Variants in MIPOL1 observed in about 807,000 individuals in gnomAD.
MIPOL1 encodes mirror-image polydactyly 1.
A neutral mutation model predicts 60.9 loss-of-function variants in MIPOL1; 57 were observed. The ratio of observed to expected loss-of-function variants is 0.94; its 90% CI spans 0.76 to 1.17. MIPOL1 has a LOEUF of 1.17. Among genes scored for constraint, MIPOL1 ranks in the 50% most tolerant of loss-of-function variants. The pLI is 0.00. For missense variants in MIPOL1, 551 were observed against 511.6 expected, an observed-to-expected ratio of 1.08 and a Z score of -0.74; for synonymous variants, 179 against 168.8, an observed-to-expected ratio of 1.06 and a Z score of -0.47.
At chr14:37,463,088 G>A (rs1443121133) in intron 11 of MIPOL1, among the ~76,000 whole-genome samples, 4 of 152,190 alleles carry the variant, frequency 2.6e-5, no homozygotes, top group African/African-American at 9.7e-5. Context: ...AAAAGAAGTA[G>A]GTTTATTGCA....
intron 10 of MIPOL1, among the ~76,000 whole-genome samples, chr14:37,398,471 C>G (rs1369154226): frequency 1.3e-5 from 2 of 152,142 alleles, no homozygotes; most frequent in South Asian, 2.1e-4. Flanking sequence ...CGAGTAGGAG[C>G]TGCAATGTAG....
chr14:37,340,332 G>A (rs149655520), intron 9 of MIPOL1, among the ~76,000 whole-genome samples: 112 of 152,186 alleles, frequency 7.4e-4, no homozygotes, highest in South Asian at 1.0e-3. Flanking sequence ...AAAGATTTTT[G>A]TACATTTGTA....
intron 1 of MIPOL1, among the ~76,000 whole-genome samples, chr14:37,210,741 C>T (rs1296345815): frequency 1.3e-5 from 2 of 152,120 alleles, no homozygotes; most frequent in Non-Finnish European, 2.9e-5. Flanking sequence ...CTTGTGACCT[C>T]TGGCCACATG....
intron 11 of MIPOL1, among the ~76,000 whole-genome samples, chr14:37,484,472 G>T (rs1298507332): frequency 6.6e-6 from 1 of 151,696 alleles, no homozygotes; most frequent in African/African-American, 2.4e-5. Flanking sequence ...TGAGTAGCTG[G>T]GACTACAGGA....
At chr14:37,382,178 A>G (rs538651844) in intron 10 of MIPOL1, among the ~76,000 whole-genome samples, 3 of 152,044 alleles carry the variant, frequency 2.0e-5, no homozygotes, top group South Asian at 2.1e-4. Flanking sequence ...ACTGAATTCT[A>G]TGTAAAGTTG....
rs140648194 is a variant in MIPOL1 at position 37,309,424 on chromosome 14, A to G, written c.828+905A>G. Among the ~76,000 whole-genome samples, 283 of 152,134 alleles carry G rather than the reference A, an allele frequency of 1.9e-3. 1 individual carries two copies. Among genetic ancestry groups the G allele is most frequent in the Middle Eastern group, 6.8e-3 (2 of 294 alleles). On this transcript the variant is annotated intron_variant, in intron 9 of 12. Transcript: ENST00000684589. ...TTGTTTTGTTAAAATTTTTGGGCCT[A>G]TTCCAATGTCTCTTTCTTCAGCCTA... is the stretch of plus-strand genomic sequence containing the variant.
At chr14:37,215,520 A>G (rs1967500504) in intron 1 of MIPOL1, among the ~76,000 whole-genome samples, 1 of 152,212 alleles carries the variant, frequency 6.6e-6, no homozygotes, top group African/African-American at 2.4e-5. Context: ...AAACTGGATG[A>G]CATCACCAAT....
intron 1 of MIPOL1, among the ~76,000 whole-genome samples, chr14:37,225,279 A>G (rs1188350798): frequency 1.3e-5 from 2 of 151,986 alleles, no homozygotes; most frequent in Non-Finnish European, 2.9e-5. Flanking sequence ...CCCAGTAGGA[A>G]CTTTGTGTGG....
At chr14:37,361,011 A>G (rs1320242589) in intron 9 of MIPOL1, among the ~76,000 whole-genome samples, 1 of 152,148 alleles carries the variant, frequency 6.6e-6, no homozygotes, top group Non-Finnish European at 1.5e-5. Context: ...AGATTCTGTT[A>G]CGTTGTATCT....
At chr14:37,469,732 A>G (rs1463275647) in intron 11 of MIPOL1, among the ~76,000 whole-genome samples, 2 of 152,148 alleles carry the variant, frequency 1.3e-5, no homozygotes, top group Non-Finnish European at 2.9e-5. Flanking sequence ...TGCCATTATC[A>G]TAGAAGAAGG....
At chr14:37,217,385 A>G (rs1204278702) in intron 1 of MIPOL1, among the ~76,000 whole-genome samples, 1 of 152,196 alleles carries the variant, frequency 6.6e-6, no homozygotes, top group Non-Finnish European at 1.5e-5. Context: ...GGAATATTCC[A>G]AACATTCTCT....
intron 12 of MIPOL1, among the ~76,000 whole-genome samples, chr14:37,545,038 A>G (rs2095542460): frequency 6.6e-6 from 1 of 152,214 alleles, no homozygotes; most frequent in Non-Finnish European, 1.5e-5. Context: ...ACTAGACAAC[A>G]TAGAGCTGAC....
intron 1 of MIPOL1, among the ~76,000 whole-genome samples, chr14:37,204,025 G>A (rs895623568): frequency 6.6e-6 from 1 of 151,784 alleles, no homozygotes; most frequent in Non-Finnish European, 1.5e-5. Flanking sequence ...CACGTGGTCC[G>A]CCCACCTTGG....
At chr14:37,339,760 T>C (rs1170161940) in intron 9 of MIPOL1, among the ~76,000 whole-genome samples, 1 of 152,184 alleles carries the variant, frequency 6.6e-6, no homozygotes, top group East Asian at 1.9e-4. Flanking sequence ...AGTTTCATTG[T>C]TTTTTATGAA....
At chr14:37,266,628 G>C (rs1293737375) in intron 3 of MIPOL1, among the ~76,000 whole-genome samples, 3 of 152,102 alleles carry the variant, frequency 2.0e-5, no homozygotes, top group Non-Finnish European at 2.9e-5. Flanking sequence ...AGTTTATGAA[G>C]TGCCATATTT....
chr14:37,309,721 C>A (rs1281623235), intron 9 of MIPOL1, among the ~76,000 whole-genome samples: 2 of 147,824 alleles, frequency 1.4e-5, no homozygotes, highest in Non-Finnish European at 3.0e-5. Flanking sequence ...GAGTCTTGGT[C>A]TGTCACCCAG....
chr14:37,386,570 T>G (rs1489734658), intron 10 of MIPOL1, among the ~76,000 whole-genome samples: 2 of 152,016 alleles, frequency 1.3e-5, no homozygotes, highest in African/African-American at 2.4e-5. Flanking sequence ...AATACAAGTT[T>G]ACAGAAATTT....
chr14:37,503,900 G>A (rs909741022), intron 12 of MIPOL1: 1 of 152,092 alleles, frequency 6.6e-6, no homozygotes, highest in African/African-American at 2.4e-5. Context: ...TAAAATATAG[G>A]GATGGAGGAA....
chr14:37,257,460 A>G (rs1975151555), intron 3 of MIPOL1, among the ~76,000 whole-genome samples: 1 of 152,140 alleles, frequency 6.6e-6, no homozygotes. Flanking sequence ...GCACATGTCA[A>G]CAAAAAAAAT....
Sources: gnomAD v4.1 joint callset for allele counts (sites outside exome capture counted in the v4.1 genomes callset) on GRCh38, gnomAD v4.1.1 for gene constraint, MANE v1.5 for transcripts, NCBI Gene and HGNC (gene_info 2026-07-23, HGNC 2026-07-21) for gene names.